The following RBM47 variants were observed in gnomAD, a reference collection of about 807,000 sequenced individuals.
RBM47 encodes the protein RNA binding motif protein 47, also known as RNA-binding protein 47.
In RBM47, 21 loss-of-function variants were observed where a neutral mutation model predicts 47.1. The ratio of observed to expected loss-of-function variants is 0.45; its 90% CI spans 0.32 to 0.64. RBM47 has a LOEUF of 0.64. Ranked by LOEUF, RBM47 falls within the 30% of genes least tolerant of loss-of-function variation. The probability of loss-of-function intolerance (pLI) is 0.05; values close to 1 mark genes in which losing one functional copy is unlikely to be tolerated. For missense variants in RBM47, 708 were observed against 870.9 expected (o/e 0.81, Z 2.35); for synonymous variants, 375 against 361.7 (o/e 1.04, Z -0.42).
chr4:40,528,844 A>G (rs1309085111), intron 2 of RBM47, among the ~76,000 whole-genome samples: 11 of 152,012 alleles, frequency 7.2e-5, no homozygotes, highest in Admixed American at 3.3e-4. Flanking sequence ...TTAGGAGGCT[A>G]AGGCAGGAGA....
chr4:40,556,940 C>A (rs11944984), intron 1 of RBM47, among the ~76,000 whole-genome samples: 17,458 of 144,058 alleles, frequency 0.12, 1,101 homozygotes, highest in East Asian at 0.16. Flanking sequence ...TGAAGAGCTG[C>A]AGGTGGGTTG....
chr4:40,588,352 A>C (rs911333134), intron 1 of RBM47, among the ~76,000 whole-genome samples: 6 of 152,178 alleles, frequency 3.9e-5, no homozygotes, highest in Admixed American at 1.3e-4. Flanking sequence ...TTCAGGATTC[A>C]AAGTCCCAAA....
At chr4:40,486,302 T>A (rs1721080412) in intron 2 of RBM47, among the ~76,000 whole-genome samples, 2 of 152,132 alleles carry the variant, frequency 1.3e-5, no homozygotes, top group South Asian at 4.1e-4. Context: ...AAGAGCCAAT[T>A]TCCTTAATAT....
intron 2 of RBM47, among the ~76,000 whole-genome samples, chr4:40,534,840 C>T (rs1445204151): frequency 6.6e-6 from 1 of 150,622 alleles, no homozygotes; most frequent in East Asian, 1.9e-4. Flanking sequence ...GAGGCTGAGG[C>T]AGGAGAATGG....
At chr4:40,555,624 T>G (rs981553859) in intron 1 of RBM47, among the ~76,000 whole-genome samples, 2 of 152,230 alleles carry the variant, frequency 1.3e-5, no homozygotes, top group Non-Finnish European at 2.9e-5. Flanking sequence ...AGAAGTAACT[T>G]GCCCACATCA....
chr4:40,507,189 TC>T (rs1724221597), intron 2 of RBM47, among the ~76,000 whole-genome samples: 2 of 151,986 alleles, frequency 1.3e-5, no homozygotes, highest in Non-Finnish European at 2.9e-5. Context: ...ACTCCTAACC[TC>T]AGGTGATCTG....
At chr4:40,441,110 T>C (rs2154214844) in intron 3 of RBM47, among the ~76,000 whole-genome samples, 1 of 151,894 alleles carries the variant, frequency 6.6e-6, no homozygotes, top group African/African-American at 2.4e-5. Flanking sequence ...TGAAAAACAT[T>C]TTTTTTTCTT....
chr4:40,545,699 A>AAATAAATAAATAAATT (rs1233607866), intron 1 of RBM47, among the ~76,000 whole-genome samples: 1 of 151,336 alleles, frequency 6.6e-6, no homozygotes. Context: ...ATAAATAAAT[A>AAATAAATAAATAAATT]AATAAAAGAG....
intron 1 of RBM47, among the ~76,000 whole-genome samples, chr4:40,620,184 A>T (rs1737126370): frequency 7.7e-6 from 1 of 130,328 alleles, no homozygotes. Context: ...CGATAGAGTG[A>T]GACTCAGTAT....
At chr4:40,450,468 G>A (rs1715239456) in intron 3 of RBM47, among the ~76,000 whole-genome samples, 1 of 151,962 alleles carries the variant, frequency 6.6e-6, no homozygotes, top group African/African-American at 2.4e-5. Context: ...CAGGCGTGGT[G>A]GCATGCACCT....
intron 1 of RBM47, among the ~76,000 whole-genome samples, chr4:40,608,837 C>T (rs1735990444): frequency 6.6e-6 from 1 of 152,174 alleles, no homozygotes; most frequent in Non-Finnish European, 1.5e-5. Context: ...ATCCCACAAA[C>T]ATGGAACCAA....
At chr4:40,494,546 T>A (rs1188045393) in intron 2 of RBM47, among the ~76,000 whole-genome samples, 2 of 152,130 alleles carry the variant, frequency 1.3e-5, no homozygotes, top group Non-Finnish European at 2.9e-5. Flanking sequence ...CATTCAGCTT[T>A]GGGGGCAACT....
At chr4:40,450,383 G>C (rs1715223083) in intron 3 of RBM47, among the ~76,000 whole-genome samples, 1 of 151,892 alleles carries the variant, frequency 6.6e-6, no homozygotes, top group South Asian at 2.1e-4. Flanking sequence ...CACCTGAGTT[G>C]AGGAGTTTGA....
chr4:40,522,967 C>CTTT (rs529306760), intron 2 of RBM47, among the ~76,000 whole-genome samples: 3 of 116,898 alleles, frequency 2.6e-5, no homozygotes, highest in Non-Finnish European at 5.2e-5. Context: ...TCTCAAAAAT[C>CTTT]TTTTTTTTTT....
intron 3 of RBM47, chr4:40,455,357 A>G (rs528962827): frequency 1.3e-5 from 2 of 152,300 alleles, no homozygotes; most frequent in African/African-American, 2.4e-5. Context: ...TCTTGACTGT[A>G]CTACTTGAAA....
intron 1 of RBM47, among the ~76,000 whole-genome samples, chr4:40,578,002 A>G (rs1443716666): frequency 6.6e-6 from 1 of 152,174 alleles, no homozygotes; most frequent in Non-Finnish European, 1.5e-5. Flanking sequence ...AAAAAGAATT[A>G]TAGGAGGTCA....
Position 40,436,466 on chromosome 4 carries a change from G to C in RBM47, c.1305C>G (p.Asn435Lys). The C allele has an allele frequency of 6.2e-7, 1 of 1,613,960 alleles. No homozygotes were observed. The highest frequency in any genetic ancestry group is 8.5e-7 in the Non-Finnish European group (1 of 1,180,024). Reference sequence around the variant, plus strand: ...CTGTACCAGGTTTAATGGCAACTGGGTTGACGGTAGGGATTTCCAAATTCG... The same window carrying C: ...CTGTACCAGGTTTAATGGCAACTGGCTTGACGGTAGGGATTTCCAAATTCG... Reference protein sequence around the residue: ...LVPNLEIPTVNPVAIKPGTVA... With the variant: ...LVPNLEIPTVKPVAIKPGTVA... Residue 435 changes from asparagine to lysine, a missense_variant, in exon 5 of 7, where the codon AAC becomes AAG. Asn to Lys is a moderately conservative substitution (Grantham distance 94). Transcript: ENST00000295971.
At chr4:40,509,712 T>G (rs1724639394) in intron 2 of RBM47, among the ~76,000 whole-genome samples, 1 of 142,210 alleles carries the variant, frequency 7.0e-6, no homozygotes, top group African/African-American at 2.6e-5. Flanking sequence ...AAACCCCGTC[T>G]CCACTAAAAA....
chr4:40,438,725 C>T lies in RBM47; in HGVS notation c.169G>A (p.Gly57Ser), dbSNP rs1187090287. 3 of 1,606,778 alleles carry T rather than the reference C, an allele frequency of 1.9e-6. No homozygotes were observed. Among genetic ancestry groups the T allele is most frequent in the Admixed American group, 1.7e-5 (1 of 59,502 alleles). Residue 57 changes from glycine to serine, a missense_variant, in exon 4 of 7, where the codon GGC becomes AGC. Physicochemically the swap from Gly to Ser is moderately conservative, Grantham distance 56. Coordinates refer to ENST00000295971, the MANE Select transcript of RBM47 (RefSeq NM_001098634.2). ...VQENGQRKYG[G>S]PPPGWEGPHP... ...GGGCCCTCCCAGCCGGGCGGTGGGC[C>T]GCCGTACTTGCGCTGCCCGTTCTCT...
Sources: allele counts gnomAD v4.1 joint callset (sites outside exome capture counted in the v4.1 genomes callset), GRCh38; gene constraint gnomAD v4.1.1; transcripts MANE v1.5; gene names NCBI Gene and HGNC (gene_info 2026-07-23, HGNC 2026-07-21).